The following FHIT variants were observed in gnomAD, a reference collection of about 807,000 sequenced individuals.
The protein encoded by FHIT is fragile histidine triad diadenosine triphosphatase, also known as bis(5'-adenosyl)-triphosphatase.
Under a neutral mutation model 17.9 loss-of-function variants are expected in FHIT, and 19 were observed. That is an observed-to-expected ratio of 1.06 (90% CI 0.74 to 1.56). The LOEUF is 1.56. Among genes scored for constraint, FHIT ranks in the 40% most tolerant of loss-of-function variants. The probability of loss-of-function intolerance (pLI) is 0.00; values close to 1 mark genes in which losing one functional copy is unlikely to be tolerated. For missense variants in FHIT, 248 were observed against 189.2 expected, an observed-to-expected ratio of 1.31 and a Z score of -1.82; for synonymous variants, 81 against 69.7, an observed-to-expected ratio of 1.16 and a Z score of -0.81.
At chr3:60,117,160 G>GATAAGATTTCCAGTAGTTGGCTTC (rs1705002995) in intron 5 of FHIT, among the ~76,000 whole-genome samples, 1 of 152,104 alleles carries the variant, frequency 6.6e-6, no homozygotes, top group Admixed American at 6.5e-5. Flanking sequence ...CTAAATGGCT[G>GATAAGATTTCCAGTAGTTGGCTTC]ATAAGATTTC....
At chr3:60,288,951 T>C (rs982441877) in intron 5 of FHIT, among the ~76,000 whole-genome samples, 1 of 152,132 alleles carries the variant, frequency 6.6e-6, no homozygotes, top group Non-Finnish European at 1.5e-5. Context: ...GTACTGCCAA[T>C]GCCACCGTGG....
intron 8 of FHIT, among the ~76,000 whole-genome samples, chr3:59,802,188 T>A (rs556222924): frequency 8.0e-5 from 12 of 150,136 alleles, no homozygotes; most frequent in African/African-American, 2.4e-4. Context: ...AAAAAAAAAA[T>A]GTGTACCTAG....
intron 4 of FHIT, among the ~76,000 whole-genome samples, chr3:60,567,532 G>A (rs1001718377): frequency 1.3e-5 from 2 of 152,122 alleles, no homozygotes; most frequent in African/African-American, 4.8e-5. Context: ...ATACCATTCA[G>A]GACATAAGTA....
At chr3:60,151,650 A>G (rs1166138666) in intron 5 of FHIT, among the ~76,000 whole-genome samples, 2 of 151,954 alleles carry the variant, frequency 1.3e-5, no homozygotes, top group South Asian at 2.1e-4. Flanking sequence ...CTTCAGCCCC[A>G]CTGTCTTTCT....
At chr3:60,406,013 C>G (rs141720084) in intron 5 of FHIT, among the ~76,000 whole-genome samples, 52 of 152,238 alleles carry the variant, frequency 3.4e-4, no homozygotes, top group African/African-American at 1.2e-3. Flanking sequence ...TAGCCTGGCA[C>G]ATAACTGCTC....
intron 5 of FHIT, among the ~76,000 whole-genome samples, chr3:60,186,185 G>C (rs1434895536): frequency 6.6e-6 from 1 of 151,280 alleles, no homozygotes; most frequent in Non-Finnish European, 1.5e-5. Context: ...TTATGTTTTT[G>C]GTGGTGTATA....
chr3:60,367,883 G>A (rs1304220065), intron 5 of FHIT, among the ~76,000 whole-genome samples: 1 of 152,108 alleles, frequency 6.6e-6, no homozygotes, highest in Non-Finnish European at 1.5e-5. Flanking sequence ...AGTTCTGCCT[G>A]TTCTTTAAAT....
intron 5 of FHIT, among the ~76,000 whole-genome samples, chr3:60,364,677 G>T (rs1284620415): frequency 1.3e-5 from 2 of 152,184 alleles, no homozygotes; most frequent in Non-Finnish European, 2.9e-5. Context: ...CCAGATAACT[G>T]ATAAACATTA....
At chr3:59,978,712 T>G (rs1337053884) in intron 7 of FHIT, among the ~76,000 whole-genome samples, 2 of 150,010 alleles carry the variant, frequency 1.3e-5, no homozygotes, top group African/African-American at 4.9e-5. Context: ...AGTTTTTCAG[T>G]AATTTTGGAG....
chr3:60,584,285 A>AT (rs2037837718), intron 4 of FHIT, among the ~76,000 whole-genome samples: 5 of 152,028 alleles, frequency 3.3e-5, no homozygotes, highest in African/African-American at 1.2e-4. Flanking sequence ...AGTGTTACAA[A>AT]TTAGGCTTTT....
At chr3:60,716,913 G>T (rs891089581) in intron 4 of FHIT, among the ~76,000 whole-genome samples, 20 of 152,126 alleles carry the variant, frequency 1.3e-4, no homozygotes, top group Non-Finnish European at 4.4e-5. Flanking sequence ...TCATTGACCA[G>T]ACCATTGTTA....
intron 5 of FHIT, among the ~76,000 whole-genome samples, chr3:60,060,185 T>TAA (rs113982258): frequency 7.1e-4 from 104 of 147,370 alleles, no homozygotes; most frequent in African/African-American, 2.1e-3. Flanking sequence ...TAATTGGTGT[T>TAA]AAAAAAAAAA....
intron 3 of FHIT, among the ~76,000 whole-genome samples, chr3:61,018,288 A>G (rs887519354): frequency 6.6e-6 from 1 of 152,200 alleles, no homozygotes; most frequent in African/African-American, 2.4e-5. Context: ...AAGGAAAAAG[A>G]AAGAGTTTTG....
chr3:60,529,690 AT>A (rs1275960009), intron 5 of FHIT, among the ~76,000 whole-genome samples: 2 of 152,212 alleles, frequency 1.3e-5, no homozygotes, highest in African/African-American at 2.4e-5. Context: ...GAGTTCAGTG[AT>A]TGTTAACCAT....
intron 5 of FHIT, among the ~76,000 whole-genome samples, chr3:60,106,591 C>G (rs1179848051): frequency 6.6e-6 from 1 of 152,106 alleles, no homozygotes; most frequent in Non-Finnish European, 1.5e-5. Context: ...GATTGTATCC[C>G]CTGTGGATAA....
At chr3:60,724,648 T>TG (rs2041877817) in intron 4 of FHIT, among the ~76,000 whole-genome samples, 1 of 130,036 alleles carries the variant, frequency 7.7e-6, no homozygotes, top group Admixed American at 7.6e-5. Flanking sequence ...TAACTGTCTG[T>TG]TTTTTTTTTT....
chr3:60,035,581 T>G (rs949121314), intron 5 of FHIT, among the ~76,000 whole-genome samples: 1 of 152,184 alleles, frequency 6.6e-6, no homozygotes, highest in African/African-American at 2.4e-5. Context: ...AATATAAGTT[T>G]TGCAAACTTT....
intron 5 of FHIT, among the ~76,000 whole-genome samples, chr3:60,037,865 T>C (rs1330496459): frequency 6.6e-6 from 1 of 151,574 alleles, no homozygotes; most frequent in Non-Finnish European, 1.5e-5. Context: ...AGGTGCATAC[T>C]GCCATGCCCG....
intron 5 of FHIT, among the ~76,000 whole-genome samples, chr3:60,260,444 C>T (rs368195465): frequency 1.3e-5 from 2 of 151,434 alleles, no homozygotes; most frequent in South Asian, 2.1e-4. Flanking sequence ...AGCGTTAAAA[C>T]TTGGCGTATT....
Sources: gnomAD v4.1 joint callset for allele counts (sites outside exome capture counted in the v4.1 genomes callset) on GRCh38, gnomAD v4.1.1 for gene constraint, MANE v1.5 for transcripts, NCBI Gene and HGNC (gene_info 2026-07-23, HGNC 2026-07-21) for gene names.